The following TICRR variants were observed in gnomAD, a reference collection of about 807,000 sequenced individuals.
TICRR encodes treslin.
In TICRR, 132 loss-of-function variants were observed where a neutral mutation model predicts 178.1. That is an observed-to-expected ratio of 0.74 (90% confidence interval 0.64 to 0.86). TICRR has a LOEUF of 0.86. TICRR is among the 40% of genes least tolerant of loss of function. The pLI is 0.00. For missense variants in TICRR, 2,587 were observed against 2,334.3 expected (o/e 1.11, Z -2.23); for synonymous variants, 991 against 900.7 (o/e 1.10, Z -1.79).
Position 89,626,980 on chromosome 15 carries a change from C to CCACTGTA in TICRR, c.5628_5634dup (p.Glu1879HisfsTer75), listed in dbSNP as rs1567054886. On this transcript the variant is annotated frameshift_variant, in exon 22 of 22. Transcript: ENST00000268138. LOFTEE classifies it low-confidence loss of function (END_TRUNC). Reference sequence around the variant, plus strand: ...GATGAGGATGTGGATGTTCTTCCCTCCACTGTAGAAGACTCTCCTTTCAGT... The same window carrying CCACTGTA: ...GATGAGGATGTGGATGTTCTTCCCTCCACTGTACACTGTAGAAGACTCTCCTTTCAGT... 6.2e-7 allele frequency: 1 copy of CCACTGTA among 1,614,124 alleles called. No individual in the cohort carries two copies. The highest frequency in any genetic ancestry group is 8.5e-7 in the Non-Finnish European group (1 of 1,180,002).
rs199878677 is a variant in TICRR at position 89,624,703 on chromosome 15, A to C, written c.4393A>C (p.Thr1465Pro). ...CATTACAAGTGACACAGAGCATGTC[A>C]CTCTCCTCAGTGAAGCCGAACACCA... ...LLITSDTEHV[T>P]LLSEAEHHGI... Residue 1465 changes from threonine (T) to proline (P), a missense_variant, in exon 20 of 22, where the codon ACT (threonine) becomes CCT (proline). Physicochemically the swap from Thr to Pro is conservative, Grantham distance 38 (BLOSUM62 -1). Transcript: ENST00000268138. 7.4e-6 allele frequency: 12 copies of C among 1,613,730 alleles called. No homozygotes were observed. The highest frequency in any genetic ancestry group is 8.5e-7 in the Non-Finnish European group (1 of 1,179,954).
chr15:89,608,455 TTATTATGGTCAACTGATATTCAGGG>T (rs1963205654), intron 14 of TICRR, among the ~76,000 whole-genome samples: 1 of 152,218 alleles, frequency 6.6e-6, no homozygotes, highest in Admixed American at 6.5e-5. Context: ...GCACTAGCAT[TTATTATGGTCAACTGATATTCAGGG>T]TACCAAGACA....
At chr15:89,622,799 G>A (rs1378446215) in intron 19 of TICRR, among the ~76,000 whole-genome samples, 4 of 152,134 alleles carry the variant, frequency 2.6e-5, no homozygotes, top group Admixed American at 2.6e-4. Context: ...TATGCCTACA[G>A]GCCGCCACCA....
At position 89,624,018 on chromosome 15, in the gene TICRR, C is replaced by T. The variant is rs914715203; in HGVS notation, c.3708C>T (p.Pro1236=). The change falls in exon 20 of 22, where the codon CCC becomes CCT. Residue 1236 remains proline (P), a synonymous_variant. Coordinates refer to ENST00000268138, the MANE Select transcript of TICRR (RefSeq NM_152259.4). ...CTCCAACTTCATCGACTGCCCAGCC[C>T]AGGAGAGAGTGTCTCACTCCCATCA... is the stretch of plus-strand genomic sequence containing the variant. ...PAPPTSSTAQ[P]RRECLTPIRD... 27 of 1,614,012 alleles carry T rather than the reference C, an allele frequency of 1.7e-5. No individual in the cohort carries two copies. Among genetic ancestry groups the T allele is most frequent in the Non-Finnish European group, 2.2e-5 (26 of 1,180,008 alleles).
At chr15:89,585,640 A>G in intron 3 of TICRR, 68 bp from the exon 4 acceptor site, 2 of 1,058,530 alleles carry the variant, frequency 1.9e-6, no homozygotes, top group Non-Finnish European at 2.9e-6. Context: ...TCTGTCTTTT[A>G]GTACACTACA....
At chr15:89,593,826 TATATC>T (rs1457309630) in intron 5 of TICRR, among the ~76,000 whole-genome samples, 1 of 152,230 alleles carries the variant, frequency 6.6e-6, no homozygotes, top group South Asian at 2.1e-4. Flanking sequence ...TTTAATCAGT[TATATC>T]AGATAATGGA....
chr15:89,577,555 A>C (rs907638809), intron 1 of TICRR, among the ~76,000 whole-genome samples: 28 of 138,220 alleles, frequency 2.0e-4, no homozygotes, highest in Non-Finnish European at 3.9e-4. Flanking sequence ...AGAGGATGGG[A>C]GTAGAAGGTG....
chr15:89,625,651 G>A lies in TICRR; in HGVS notation c.5341G>A (p.Glu1781Lys), dbSNP rs1216536963. 6.2e-7 allele frequency: 1 copy of A among 1,613,658 alleles called. No homozygotes were observed. Among genetic ancestry groups the A allele is most frequent in the Non-Finnish European group, 8.5e-7 (1 of 1,180,030 alleles). Reference protein sequence around the residue: ...SSRKRVLLAKEEADRGAKRIC... With the variant: ...SSRKRVLLAKKEADRGAKRIC... The stretch of plus-strand genomic sequence containing the variant: ...CAGGAAGAGAGTCCTGTTGGCCAAG[G>A]AAGAAGCTGACCGTGGAGCCAAAAG... The change falls in exon 20 of 22, where the codon GAA becomes AAA. Residue 1781 changes from glutamate to lysine, a missense_variant. Transcript: ENST00000268138.
At chr15:89,594,042 T>C (rs1199876852) in intron 5 of TICRR, among the ~76,000 whole-genome samples, 1 of 152,222 alleles carries the variant, frequency 6.6e-6, no homozygotes. Context: ...CAATACTTAC[T>C]ACAATGTGTT....
In TICRR at chr15:89,627,364, C is replaced by T; in HGVS notation, c.*278C>T. On this transcript the variant is annotated 3_prime_UTR_variant, in exon 22 of 22. Coordinates refer to ENST00000268138, the MANE Select transcript of TICRR (RefSeq NM_152259.4). ...GGAACCCAGACAAGGAATCCCATTC[C>T]AGCCTCACCCCAACCATGACCTTGG... The T allele has an allele frequency of 2.5e-6, 1 of 405,890 alleles. No homozygotes were observed. Among genetic ancestry groups the T allele is most frequent in the East Asian group, 4.2e-5 (1 of 24,080 alleles). 25.1% of individuals were successfully genotyped at this position (405,890 alleles called of 1,614,324 possible).
At chr15:89,608,316 T>C (rs1453796448) in intron 14 of TICRR, among the ~76,000 whole-genome samples, 1 of 152,020 alleles carries the variant, frequency 6.6e-6, no homozygotes, top group Non-Finnish European at 1.5e-5. Context: ...CAAGAAGAAA[T>C]AGAAAATCAG....
At chr15:89,591,312 C>T (rs1347550683) in intron 4 of TICRR, among the ~76,000 whole-genome samples, 5 of 152,042 alleles carry the variant, frequency 3.3e-5, no homozygotes, top group African/African-American at 7.2e-5. Context: ...TTAGTAGAGA[C>T]GGGGTTTTGC....
At position 89,623,725 on chromosome 15, in the gene TICRR, C is replaced by T. The variant is rs1963461773; in HGVS notation, c.3415C>T (p.Gln1139Ter). ...TCCGTTGTATACTCCAGAAAGGCTGCAGAAGTCCCCTGCAAAAATGACCCC... is the reference window on the plus strand; with the variant it reads ...TCCGTTGTATACTCCAGAAAGGCTGTAGAAGTCCCCTGCAAAAATGACCCC... ...QTPLYTPERL[Q>*]KSPAKMTPTK... The change falls in exon 20 of 22, where the codon CAG (glutamine) becomes TAG (stop). Residue 1139 changes from glutamine to a stop codon, truncating the protein, a stop_gained. Transcript: ENST00000268138. LOFTEE classifies it high-confidence loss of function. 1 of 1,614,104 alleles carries T rather than the reference C, an allele frequency of 6.2e-7. No homozygotes were observed. The highest frequency in any genetic ancestry group is 8.5e-7 in the Non-Finnish European group (1 of 1,180,018).
Position 89,576,849 on chromosome 15 carries a change from A to G in TICRR, c.654+609A>G, listed in dbSNP as rs1484408375. On this transcript the variant is annotated intron_variant, in intron 1 of 21. Coordinates refer to ENST00000268138, the MANE Select transcript of TICRR (RefSeq NM_152259.4). Reference sequence around the variant, plus strand: ...TATATATATATATATATATATATATATATATATATATACACACACACACAT... The same window carrying G: ...TATATATATATATATATATATATATGTATATATATATACACACACACACAT... Among the ~76,000 whole-genome samples, 1,027 of 141,456 alleles carry G rather than the reference A, an allele frequency of 7.3e-3. 22 individuals carry two copies. The highest frequency in any genetic ancestry group is 0.026 in the African/African-American group (988 of 37,770). 92.8% of individuals were successfully genotyped at this position (141,456 alleles called of 152,430 possible). A position where few individuals can be genotyped will look rare whatever the true frequency, so the allele number is the denominator to read the frequency against.
intron 1 of TICRR, among the ~76,000 whole-genome samples, chr15:89,576,827 A>G (rs1237550368): frequency 0.3 from 2,689 of 8,848 alleles, 60 homozygotes; most frequent in Non-Finnish European, 0.47. Context: ...GTGTGTATAT[A>G]TATATATATA....
chr15:89,584,678 A>G lies in TICRR; in HGVS notation c.1176+151A>G, dbSNP rs574592761. ...ATTGTTGACATTATAGTATCATGAC[A>G]GCAATGCTTATTAGAGAAGAAATCA... On this transcript the variant is annotated intron_variant, in intron 3 of 21. Coordinates refer to ENST00000268138, the MANE Select transcript of TICRR (RefSeq NM_152259.4). 4.0e-6 allele frequency: 3 copies of G among 758,036 alleles called. No homozygotes were observed. In the African/African-American group the frequency reaches 5.4e-5, roughly 14 times the overall value. 47.0% of individuals were successfully genotyped at this position (758,036 alleles called of 1,614,324 possible).
At chr15:89,616,354 T>G in intron 15 of TICRR, 51 bp from the exon 16 acceptor site, 1 of 1,537,110 alleles carries the variant, frequency 6.5e-7, no homozygotes. Flanking sequence ...TACTGCTGCT[T>G]CTTGATGAGG....
intron 13 of TICRR, among the ~76,000 whole-genome samples, chr15:89,606,081 A>G (rs943589318): frequency 3.9e-5 from 6 of 152,336 alleles, no homozygotes; most frequent in African/African-American, 1.2e-4. Flanking sequence ...CCATCCATTC[A>G]TCAGAAGTAA....
rs766513294 is a variant in TICRR, at chr15:89,576,109, G to C, written c.523G>C (p.Glu175Gln). 4 of 1,611,226 alleles carry C rather than the reference G, an allele frequency of 2.5e-6. No individual in the cohort carries two copies. The highest frequency in any genetic ancestry group is 2.7e-5 in the African/African-American group (2 of 74,904). The change falls in exon 1 of 22, where the codon GAG becomes CAG. Residue 175 changes from glutamate (E) to glutamine (Q), a missense_variant. Glu to Gln is a conservative substitution (Grantham distance 29). Coordinates refer to ENST00000268138, the MANE Select transcript of TICRR (RefSeq NM_152259.4). ...RELLQFVSGC[E>Q]AQAQRLPPTP... ...GCTGCTGCAGTTCGTGTCTGGGTGC[G>C]AGGCCCAGGCCCAGCGCCTGCCGCC...
Sources: allele counts gnomAD v4.1 joint callset (sites outside exome capture counted in the v4.1 genomes callset), GRCh38; gene constraint gnomAD v4.1.1; transcripts MANE v1.5; gene names NCBI Gene and HGNC (gene_info 2026-07-23, HGNC 2026-07-21).